Variants in PCDHGA5 observed in about 807,000 individuals in gnomAD.
PCDHGA5 encodes protocadherin gamma-A5.
PCDHGA5 carries 36 observed loss-of-function variants against 56.7 expected under a neutral mutation model. The observed-to-expected ratio is 0.64, with a 90% CI of 0.49 to 0.84. The LOEUF (loss-of-function observed/expected upper bound fraction) is 0.84, where lower values mean the gene tolerates loss of function less well. Ranked by LOEUF, PCDHGA5 falls within the 40% of genes least tolerant of loss-of-function variation. The probability of loss-of-function intolerance (pLI) is 0.00; values close to 1 mark genes in which losing one functional copy is unlikely to be tolerated. For missense variants in PCDHGA5, 1,305 were observed against 1,201.5 expected, an observed-to-expected ratio of 1.09 and a Z score of -1.27; for synonymous variants, 563 against 520.2, an observed-to-expected ratio of 1.08 and a Z score of -1.12.
chr5:141,423,437 C>CACGT (rs766166209), intron 1 of PCDHGA5: 1 of 1,613,952 alleles, frequency 6.2e-7, no homozygotes, highest in Non-Finnish European at 8.5e-7. Context: ...GCAGGTATGC[C>CACGT]CACGTCACAT....
intron 1 of PCDHGA5, chr5:141,372,525 A>G: frequency 6.2e-7 from 1 of 1,613,804 alleles, no homozygotes; most frequent in South Asian, 1.1e-5. Flanking sequence ...GATTCTGGCA[A>G]TCTCCCTGCG....
Position 141,432,010 on chromosome 5 carries a change from CT to C in PCDHGA5, c.2422-62796del. The C allele has an allele frequency of 6.2e-7, 1 of 1,614,068 alleles. No individual in the cohort carries two copies. Among genetic ancestry groups the C allele is most frequent in the Non-Finnish European group, 8.5e-7 (1 of 1,180,022 alleles). ...TCTTGGATAGGGAACAGGTTCCTAG[CT>C]ACAACATCACAGTGACCGCCACTGA... On this transcript the variant is annotated intron_variant, in intron 1 of 3. Coordinates refer to ENST00000518069, the MANE Select transcript of PCDHGA5 (RefSeq NM_018918.3). This position sits in a 1 kb window ranked among gnomAD's most constrained non-coding sequence, Gnocchi z 6.0.
At chr5:141,496,076 C>A (rs2099765713) in intron 2 of PCDHGA5, among the ~76,000 whole-genome samples, 1 of 152,010 alleles carries the variant, frequency 6.6e-6, no homozygotes, top group Non-Finnish European at 1.5e-5. Context: ...GCACACACAA[C>A]CCCCCACCCA....
rs779183487 is a variant in PCDHGA5, at chr5:141,430,845, C to T, written c.2422-63962C>T. ...GGGACTCTGTGGGAGACCGGATGCA[C>T]CCAGATACGCTATTCAGTTCCGGAA... On this transcript the variant is annotated intron_variant, in intron 1 of 3. Coordinates refer to ENST00000518069, the MANE Select transcript of PCDHGA5 (RefSeq NM_018918.3). 27 of 1,575,514 alleles carry T rather than the reference C, an allele frequency of 1.7e-5. No individual in the cohort carries two copies. In the African/African-American group the frequency reaches 3.7e-4, roughly 21 times the overall value.
chr5:141,372,523 CA>C, intron 1 of PCDHGA5: 10 of 1,614,018 alleles, frequency 6.2e-6, no homozygotes, highest in Non-Finnish European at 8.5e-6. Flanking sequence ...GTGATTCTGG[CA>C]ATCTCCCTGC....
At chr5:141,474,090 AAACAACAACAAAAAC>A (rs1459798801) in intron 1 of PCDHGA5, among the ~76,000 whole-genome samples, 1 of 152,206 alleles carries the variant, frequency 6.6e-6, no homozygotes, top group African/African-American at 2.4e-5. Flanking sequence ...ACCAAAAAAC[AAACAACAACAAAAAC>A]AACAACAACG....
At chr5:141,465,905 G>C (rs938438286) in intron 1 of PCDHGA5, among the ~76,000 whole-genome samples, 8 of 151,958 alleles carry the variant, frequency 5.3e-5, no homozygotes, top group Non-Finnish European at 8.8e-5. Context: ...GGCAAATCAC[G>C]AGGTCAGGAT....
intron 1 of PCDHGA5, chr5:141,492,046 AC>A (rs955983612): frequency 2.0e-6 from 1 of 494,316 alleles, no homozygotes; most frequent in African/African-American, 2.0e-5. Context: ...TCACAGATCC[AC>A]CCCTGCAGCC....
At chr5:141,428,097 C>T (rs2097109296) in intron 1 of PCDHGA5, 2 of 1,608,758 alleles carry the variant, frequency 1.2e-6, no homozygotes, top group African/African-American at 1.3e-5. Flanking sequence ...GCTGTCCTAC[C>T]ACGTGCTGCA....
chr5:141,404,828 G>T, intron 1 of PCDHGA5: 1 of 1,609,938 alleles, frequency 6.2e-7, no homozygotes, highest in Non-Finnish European at 8.5e-7. Flanking sequence ...CACAGGTGAA[G>T]TGCGCACAGC....
intron 1 of PCDHGA5, chr5:141,402,858 G>A: frequency 1.4e-6 from 2 of 1,427,466 alleles, no homozygotes; most frequent in Admixed American, 2.9e-5. Context: ...TTTCTTCTAA[G>A]GAAAAGATCA....
intron 1 of PCDHGA5, chr5:141,409,345 A>G (rs1012428329): frequency 6.2e-7 from 1 of 1,614,020 alleles, no homozygotes; most frequent in Non-Finnish European, 8.5e-7. Flanking sequence ...GAAATGGAGA[A>G]GTCAGGTGTA....
At chr5:141,466,036 G>A (rs981390655) in intron 1 of PCDHGA5, among the ~76,000 whole-genome samples, 17 of 152,064 alleles carry the variant, frequency 1.1e-4, no homozygotes, top group Non-Finnish European at 2.5e-4. Flanking sequence ...GCAGGAGAAC[G>A]GCATGAACCC....
At chr5:141,438,635 TACAC>T (rs56854727) in intron 1 of PCDHGA5, among the ~76,000 whole-genome samples, 720 of 33,094 alleles carry the variant, frequency 0.022, 7 homozygotes, top group Middle Eastern at 0.05. Context: ...TATATATATA[TACAC>T]ACACACACAC....
At chr5:141,415,458 C>G (rs2095871921) in intron 1 of PCDHGA5, 7 of 1,614,204 alleles carry the variant, frequency 4.3e-6, no homozygotes, top group Non-Finnish European at 5.1e-6. Context: ...CCCACGAGGT[C>G]TCTCTCACCG....
chr5:141,504,680 A>G (rs912248504), intron 2 of PCDHGA5, among the ~76,000 whole-genome samples: 1 of 150,294 alleles, frequency 6.7e-6, no homozygotes, highest in Non-Finnish European at 1.5e-5. Flanking sequence ...GGGTTCTTGT[A>G]AAATAGGAGG....
chr5:141,508,928 G>A (rs1475005703), intron 3 of PCDHGA5, among the ~76,000 whole-genome samples: 1 of 152,076 alleles, frequency 6.6e-6, no homozygotes, highest in East Asian at 1.9e-4. Flanking sequence ...TCCTTTTGGA[G>A]TTAATTAGGG....
Position 141,490,618 on chromosome 5 carries a change from A to C in PCDHGA5, c.2422-4189A>C. The C allele has an allele frequency of 6.2e-7, 1 of 1,614,104 alleles. No homozygotes were observed. Among genetic ancestry groups the C allele is most frequent in the South Asian group, 1.1e-5 (1 of 91,080 alleles). ...ACCCCGCTTCAACCAGCAGCTTTAC[A>C]CTGCTTACATCCTAGAAAACCGGCC... On this transcript the variant is annotated intron_variant, in intron 1 of 3. Coordinates refer to ENST00000518069, the MANE Select transcript of PCDHGA5 (RefSeq NM_018918.3). This position sits in a 1 kb window ranked among gnomAD's most constrained non-coding sequence, Gnocchi z 5.4.
rs1292135798 is a variant in PCDHGA5, at chr5:141,365,003, A to C, written c.673A>C (p.Thr225Pro). Residue 225 changes from threonine (T) to proline (P), a missense_variant, in exon 1 of 4, where the codon ACC (threonine) becomes CCC (proline). By Grantham distance (38) the Thr-to-Pro change is conservative. Coordinates refer to ENST00000518069, the MANE Select transcript of PCDHGA5 (RefSeq NM_018918.3). ...TGGCGGAGACCCGGTACTCTCCGGC[A>C]CCACGCACATCCGTGTTACGGTCCT... Reference protein sequence around the residue: ...LDGGDPVLSGTTHIRVTVLDA... With the variant: ...LDGGDPVLSGPTHIRVTVLDA... 1 of 1,613,774 alleles carries C rather than the reference A, an allele frequency of 6.2e-7. No homozygotes were observed. The highest frequency in any genetic ancestry group is 8.5e-7 in the Non-Finnish European group (1 of 1,179,898).
Sources: allele counts gnomAD v4.1 joint callset (sites outside exome capture counted in the v4.1 genomes callset), GRCh38; gene constraint gnomAD v4.1.1; non-coding constraint Gnocchi (gnomAD v3.1); transcripts MANE v1.5; gene names NCBI Gene and HGNC (gene_info 2026-07-23, HGNC 2026-07-21).